The following ABCB8 variants were observed in gnomAD, a reference collection of about 807,000 sequenced individuals.
The protein encoded by ABCB8 is mitochondrial potassium channel ATP-binding subunit.
In ABCB8, 52 loss-of-function variants were observed where a neutral mutation model predicts 73.0. That is an observed-to-expected ratio of 0.71 (90% CI 0.57 to 0.90). The LOEUF is 0.90. Ranked by LOEUF, ABCB8 falls within the 40% of genes least tolerant of loss-of-function variation. The pLI is 0.00. For synonymous variants in ABCB8, 428 were observed against 423.5 expected (o/e 1.01, Z -0.13); for missense variants, 909 against 974.6 (o/e 0.93, Z 0.90).
At chr7:151,032,248 A>G (rs1198874850) in intron 1 of ABCB8, among the ~76,000 whole-genome samples, 2 of 152,046 alleles carry the variant, frequency 1.3e-5, no homozygotes, top group Non-Finnish European at 1.5e-5. Context: ...CTCTGAGGAG[A>G]AGGAGGAGCA....
intron 1 of ABCB8, chr7:151,031,514 C>T: frequency 2.0e-6 from 1 of 500,890 alleles, no homozygotes; most frequent in South Asian, 3.7e-5. Context: ...TTTTTTAAAC[C>T]TTTCCCCATC....
intron 1 of ABCB8, among the ~76,000 whole-genome samples, chr7:151,030,784 A>G (rs2117200075): frequency 6.6e-6 from 1 of 152,144 alleles, no homozygotes; most frequent in Non-Finnish European, 1.5e-5. Context: ...TACTAAAAAT[A>G]CAAAAATTAA....
chr7:151,032,764 G>A lies in ABCB8; in HGVS notation c.96-841G>A, dbSNP rs575738105. 22 of 288,000 alleles carry A rather than the reference G, an allele frequency of 7.6e-5. 1 individual carries two copies. The East Asian group carries it at 9.2e-4, about 12-fold the overall frequency. The allele number at this position is 288,000 out of a possible 1,614,324, so 17.8% of individuals were successfully genotyped here. A position where few individuals can be genotyped will look rare whatever the true frequency, so the allele number is the denominator to read the frequency against. ...GCATTTTATAGATGTGGCAGCTGAA[G>A]GAAAGAGAAGGTAATTGTCCTATTC... On this transcript the variant is annotated intron_variant, in intron 1 of 15. Transcript: ENST00000358849.
At chr7:151,043,436 T>TG (rs1554445548) in intron 14 of ABCB8, among the ~76,000 whole-genome samples, 60 of 41,718 alleles carry the variant, frequency 1.4e-3, no homozygotes, top group African/African-American at 5.5e-3. Context: ...CAGTGCGGGG[T>TG]GGGGGTCAGA....
chr7:151,041,845 G>A (rs1796474478), intron 13 of ABCB8, 116 bp from the exon 14 acceptor site: 1 of 1,292,030 alleles, frequency 7.7e-7, no homozygotes, highest in African/African-American at 1.5e-5. Flanking sequence ...GATTCTTCAA[G>A]AGATCCTAAT....
intron 14 of ABCB8, 48 bp from the exon 15 acceptor site, chr7:151,043,923 C>T: frequency 7.5e-6 from 12 of 1,595,584 alleles, no homozygotes; most frequent in Non-Finnish European, 1.0e-5. Context: ...TTGTGGGCCA[C>T]CCTCAAGTGC....
chr7:151,028,681 A>G, intron 1 of ABCB8, 71 bp downstream of exon 1: 3 of 1,575,536 alleles, frequency 1.9e-6, no homozygotes, highest in South Asian at 1.1e-5. Context: ...CCGCCGGGAG[A>G]TGGAGTCCAC....
Position 151,046,871 on chromosome 7 carries a change from G to A in ABCB8, c.*1522G>A, listed in dbSNP as rs942190697. On this transcript the variant is annotated 3_prime_UTR_variant, in exon 16 of 16. Coordinates refer to ENST00000358849, the MANE Select transcript of ABCB8 (RefSeq NM_007188.5). ...GGTTTAGAACTAGATGGTGCTTTGGGGACAAGCCATCCAAAAACCCCAGGC... is the reference window on the plus strand; with the variant it reads ...GGTTTAGAACTAGATGGTGCTTTGGAGACAAGCCATCCAAAAACCCCAGGC... 9.2e-5 allele frequency: 14 copies of A among 152,216 alleles called. No individual in the cohort carries two copies. Among genetic ancestry groups the A allele is most frequent in the African/African-American group, 2.9e-4 (12 of 41,442 alleles). 9.4% of individuals were successfully genotyped at this position (152,216 alleles called of 1,614,324 possible).
At position 151,035,654 on chromosome 7, in the gene ABCB8, T is replaced by C. The variant is rs779358458; in HGVS notation, c.839T>C (p.Leu280Pro). The C allele has an allele frequency of 2.2e-5, 35 of 1,613,136 alleles. No individual in the cohort carries two copies. Among genetic ancestry groups the C allele is most frequent in the Non-Finnish European group, 2.8e-5 (33 of 1,179,720 alleles). The change falls in exon 6 of 16, where the codon CTG (leucine) becomes CCG (proline). Residue 280 changes from leucine (L) to proline (P), a missense_variant. Transcript: ENST00000358849. ...ATGCTGTCGACACGCCTCACGCTGC[T>C]GCTGATGGTGGCCACACCAGCCCTG... is the stretch of plus-strand genomic sequence containing the variant. ...LSMLSTRLTL[L>P]LMVATPALMG...
Position 151,034,545 on chromosome 7 carries a change from T to C in ABCB8, c.605T>C (p.Val202Ala), listed in dbSNP as rs1249215292. 6.2e-7 allele frequency: 1 copy of C among 1,613,614 alleles called. No homozygotes were observed. The highest frequency in any genetic ancestry group is 8.5e-7 in the Non-Finnish European group (1 of 1,180,014). Reference protein sequence around the residue: ...TFGYLVLLSHVGERMAVDMRR... With the variant: ...TFGYLVLLSHAGERMAVDMRR... ...GGGTACCTGGTGCTGCTGTCCCACG[T>C]TGGCGAGCGCATGGCTGTGGACATG... The change falls in exon 4 of 16, where the codon GTT becomes GCT. Residue 202 changes from valine (V) to alanine (A), a missense_variant. Transcript: ENST00000358849.
chr7:151,031,492 T>C (rs975036851), intron 1 of ABCB8: 3 of 596,214 alleles, frequency 5.0e-6, no homozygotes, highest in Non-Finnish European at 2.7e-6. Context: ...AGAGAAAAGC[T>C]CACACTACTC....
intron 10 of ABCB8, 32 bp from the exon 11 acceptor site, chr7:151,040,466 C>T: frequency 6.3e-7 from 1 of 1,595,140 alleles, no homozygotes. Flanking sequence ...CCTACTCCTG[C>T]CTCCCTGCGG....
chr7:151,033,292 T>TGTCATTCTGTCAGAGCCTGGA, intron 1 of ABCB8: 1 of 657,072 alleles, frequency 1.5e-6, no homozygotes, highest in African/African-American at 1.8e-5. Context: ...TTCTTCAGGC[T>TGTCATTCTGTCAGAGCCTGGA]GTCATTCTGT....
At chr7:151,042,420 T>C (rs1295189820) in intron 14 of ABCB8, among the ~76,000 whole-genome samples, 1 of 152,076 alleles carries the variant, frequency 6.6e-6, no homozygotes, top group Non-Finnish European at 1.5e-5. Context: ...TGATGCATGG[T>C]GTTTGGAGTC....
chr7:151,028,807 C>G (rs756568384), intron 1 of ABCB8, 197 bp downstream of exon 1: 1 of 1,553,340 alleles, frequency 6.4e-7, no homozygotes, highest in Admixed American at 1.8e-5. Flanking sequence ...GCAGGAGGCT[C>G]CTGCGTCTGC....
chr7:151,035,667 C>T lies in ABCB8; in HGVS notation c.852C>T (p.Ala284=). Residue 284 remains alanine, a synonymous_variant, in exon 6 of 16, where the codon GCC becomes GCT. Transcript: ENST00000358849. Reference sequence around the variant, plus strand: ...GCCTCACGCTGCTGCTGATGGTGGCCACACCAGCCCTGATGGGAGTGGGCA... The same window carrying T: ...GCCTCACGCTGCTGCTGATGGTGGCTACACCAGCCCTGATGGGAGTGGGCA... ...STRLTLLLMV[A]TPALMGVGTL... is the part of the protein sequence containing the mutation. 1 of 1,613,448 alleles carries T rather than the reference C, an allele frequency of 6.2e-7. No homozygotes were observed. Among genetic ancestry groups the T allele is most frequent in the Non-Finnish European group, 8.5e-7 (1 of 1,179,876 alleles).
Position 151,045,444 on chromosome 7 carries a change from G to A in ABCB8, c.*95G>A, listed in dbSNP as rs1194307038. ...TACTGGGGACTGAGCCCCCAGGAGG[G>A]CCAGCATGTGGAGAGTCGCTGCGGC... On this transcript the variant is annotated 3_prime_UTR_variant, in exon 16 of 16. Transcript: ENST00000358849. 8.9e-6 allele frequency: 12 copies of A among 1,344,274 alleles called. No individual in the cohort carries two copies. In the East Asian group the frequency reaches 3.5e-4, roughly 39 times the overall value. 83.3% of individuals were successfully genotyped at this position (1,344,274 alleles called of 1,614,324 possible). A position where few individuals can be genotyped will look rare whatever the true frequency, so the allele number is the denominator to read the frequency against.
At chr7:151,043,558 G>T (rs1796528071) in intron 14 of ABCB8, among the ~76,000 whole-genome samples, 1 of 147,072 alleles carries the variant, frequency 6.8e-6, no homozygotes, top group African/African-American at 2.5e-5. Flanking sequence ...GGGGTGGAGG[G>T]TCAGAGACAG....
intron 7 of ABCB8, 42 bp downstream of exon 7, chr7:151,036,009 C>G (rs757943876): frequency 2.5e-6 from 4 of 1,612,932 alleles, no homozygotes; most frequent in Non-Finnish European, 3.4e-6. Context: ...AGATGCCCCC[C>G]ACACCCTGCC....
Sources: allele counts gnomAD v4.1 joint callset (sites outside exome capture counted in the v4.1 genomes callset), GRCh38; gene constraint gnomAD v4.1.1; transcripts MANE v1.5; gene names NCBI Gene and HGNC (gene_info 2026-07-23, HGNC 2026-07-21).